PPM1L: variants seen among roughly 807,000 people sequenced by gnomAD.
The protein encoded by PPM1L is protein phosphatase 1L.
In PPM1L, 13 loss-of-function variants were observed where a neutral mutation model predicts 31.4. That is an observed-to-expected ratio of 0.41 (90% CI 0.27 to 0.66). The LOEUF (loss-of-function observed/expected upper bound fraction) is 0.66, where lower values mean the gene tolerates loss of function less well. Ranked by LOEUF, PPM1L falls within the 30% of genes least tolerant of loss-of-function variation. The pLI is 0.29. For missense variants in PPM1L, 326 were observed against 453.7 expected (o/e 0.72, Z 2.56); for synonymous variants, 184 against 175.4 (o/e 1.05, Z -0.39).
At chr3:160,786,901 A>T (rs1333986812) in intron 1 of PPM1L, among the ~76,000 whole-genome samples, 1 of 152,154 alleles carries the variant, frequency 6.6e-6, no homozygotes, top group Non-Finnish European at 1.5e-5. Context: ...CTCTAGCTGG[A>T]TTCATGTTGC....
In PPM1L at chr3:160,961,791, A is replaced by G. The variant is rs1466854699; in HGVS notation, c.455A>G (p.Gln152Arg). Residue 152 changes from glutamine (Q) to arginine (R), a missense_variant, in exon 2 of 4, where the codon CAG (glutamine) becomes CGG (arginine). Transcript: ENST00000498165. ...RLPEALKQHL[Q>R]DYEKDKENSV... ...CCAGAGGCCCTTAAACAGCATCTTCAGGACTACGAGAAAGACAAAGAAAAT... is the reference window on the plus strand; with the variant it reads ...CCAGAGGCCCTTAAACAGCATCTTCGGGACTACGAGAAAGACAAAGAAAAT... 1 of 1,604,714 alleles carries G rather than the reference A, an allele frequency of 6.2e-7. No homozygotes were observed. Among genetic ancestry groups the G allele is most frequent in the Non-Finnish European group, 8.5e-7 (1 of 1,176,212 alleles).
chr3:160,818,588 G>A (rs1713063612), intron 1 of PPM1L, among the ~76,000 whole-genome samples: 2 of 151,944 alleles, frequency 1.3e-5, no homozygotes, highest in Non-Finnish European at 2.9e-5. Context: ...AGTAGCAGTT[G>A]TGCTATTAAA....
rs184699816 is a variant in PPM1L, at chr3:161,059,249, T to C, written c.575-6154T>C. On this transcript the variant is annotated intron_variant, in intron 2 of 3. Coordinates refer to ENST00000498165, the MANE Select transcript of PPM1L (RefSeq NM_139245.4). ...GTGGTGAGGATGGAAGCCCTACCCA[T>C]ATGTTATTTGCACTGGACCAGAATC... is the stretch of plus-strand genomic sequence containing the variant. Among the ~76,000 whole-genome samples, 321 of 152,264 alleles carry C rather than the reference T, an allele frequency of 2.1e-3. 4 individuals are homozygous for C. Among genetic ancestry groups the C allele is most frequent in the Non-Finnish European group, 1.2e-3 (81 of 68,002 alleles).
rs367585875 is a variant in PPM1L at position 160,943,894 on chromosome 3, TGAA to T, written c.400-17835_400-17833del. ...GCACTTGTATCAACACAATGTGTTT[TGAA>T]GAAGAATCACAGGTACTACCTTGGG... On this transcript the variant is annotated intron_variant, in intron 1 of 3. Transcript: ENST00000498165. 2.0e-4 allele frequency among the ~76,000 whole-genome samples: 31 copies of T among 152,280 alleles called. No homozygotes were observed. The East Asian group carries it at 2.9e-3, about 14-fold the overall frequency.
At chr3:160,929,556 T>C (rs1007350708) in intron 1 of PPM1L, among the ~76,000 whole-genome samples, 33 of 152,290 alleles carry the variant, frequency 2.2e-4, no homozygotes, top group African/African-American at 7.0e-4. Context: ...CATGCTTCAG[T>C]GTCTAGTTAA....
chr3:160,994,930 T>C (rs2108046833), intron 2 of PPM1L, among the ~76,000 whole-genome samples: 1 of 152,140 alleles, frequency 6.6e-6, no homozygotes, highest in Non-Finnish European at 1.5e-5. Context: ...AGAAAGGCGC[T>C]CCAGGCAAGT....
chr3:160,860,171 A>T (rs1010319185), intron 1 of PPM1L, among the ~76,000 whole-genome samples: 1 of 152,162 alleles, frequency 6.6e-6, no homozygotes, highest in African/African-American at 2.4e-5. Flanking sequence ...TAAAATCTGG[A>T]CTGAGGAGTT....
Position 160,932,245 on chromosome 3 carries a change from A to T in PPM1L, c.400-29491A>T, listed in dbSNP as rs74468515. On this transcript the variant is annotated intron_variant, in intron 1 of 3. Transcript: ENST00000498165. Reference sequence around the variant, plus strand: ...GAAAAGCCTGTATTTCCACTGTGATATAATATCTGCTTAAAGTATGGGCTA... The same window carrying T: ...GAAAAGCCTGTATTTCCACTGTGATTTAATATCTGCTTAAAGTATGGGCTA... Among the ~76,000 whole-genome samples the T allele has an allele frequency of 3.6e-3, 545 of 152,324 alleles. 5 individuals carry two copies. Among genetic ancestry groups the T allele is most frequent in the Admixed American group, 8.2e-3 (125 of 15,292 alleles).
chr3:160,817,503 C>T lies in PPM1L; in HGVS notation c.399+60796C>T, dbSNP rs145558907. Among the ~76,000 whole-genome samples the T allele has an allele frequency of 5.2e-3, 797 of 152,160 alleles. 1 individual carries two copies. The highest frequency in any genetic ancestry group is 9.7e-3 in the South Asian group (47 of 4,826). ...TACCAACATCTGAATTTTTACACGG[C>T]GCCTACTTCAGATATTCTGTTTTCA... On this transcript the variant is annotated intron_variant, in intron 1 of 3. Coordinates refer to ENST00000498165, the MANE Select transcript of PPM1L (RefSeq NM_139245.4).
intron 1 of PPM1L, among the ~76,000 whole-genome samples, chr3:160,812,872 C>A (rs865951463): frequency 2.2e-4 from 33 of 152,116 alleles, no homozygotes; most frequent in African/African-American, 7.7e-4. Flanking sequence ...AGTGAAGAAG[C>A]CTGAATGTGA....
chr3:160,764,975 A>G (rs2108057104), intron 1 of PPM1L, among the ~76,000 whole-genome samples: 1 of 152,322 alleles, frequency 6.6e-6, no homozygotes, highest in Non-Finnish European at 1.5e-5. Flanking sequence ...GTGGGTTTCC[A>G]GAAGTGGGAT....
At chr3:160,881,858 T>A (rs1712731717) in intron 1 of PPM1L, among the ~76,000 whole-genome samples, 1 of 152,168 alleles carries the variant, frequency 6.6e-6, no homozygotes, top group Non-Finnish European at 1.5e-5. Context: ...GAGACCATCC[T>A]GGCTAACACA....
chr3:160,903,164 A>AGTGTGTGTGT (rs60731351), intron 1 of PPM1L, among the ~76,000 whole-genome samples: 4,638 of 106,456 alleles, frequency 0.044, 118 homozygotes, highest in Middle Eastern at 0.062. Context: ...TAGAAGCAAT[A>AGTGTGTGTGT]GTGTGTGTGT....
At chr3:160,822,153 A>G (rs1576654675) in intron 1 of PPM1L, among the ~76,000 whole-genome samples, 1 of 152,070 alleles carries the variant, frequency 6.6e-6, no homozygotes. Flanking sequence ...TTAAGGATAA[A>G]TTACCCAACA....
rs560270599 is a variant in PPM1L, at chr3:160,769,794, G to T, written c.399+13087G>T. Among the ~76,000 whole-genome samples, 3 of 152,214 alleles carry T rather than the reference G, an allele frequency of 2.0e-5. No homozygotes were observed. In the South Asian group the frequency reaches 6.2e-4, roughly 32 times the overall value. On this transcript the variant is annotated intron_variant, in intron 1 of 3. Coordinates refer to ENST00000498165, the MANE Select transcript of PPM1L (RefSeq NM_139245.4). Reference sequence around the variant, plus strand: ...TTTTGTTCTTTAATTATTAGATATTGTAAGTGTTATTTTGTTTTAAAATAT... The same window carrying T: ...TTTTGTTCTTTAATTATTAGATATTTTAAGTGTTATTTTGTTTTAAAATAT...
intron 1 of PPM1L, among the ~76,000 whole-genome samples, chr3:160,833,841 C>A (rs1262639331): frequency 6.6e-6 from 1 of 151,634 alleles, no homozygotes; most frequent in East Asian, 1.9e-4. Context: ...GTCTTGAAAT[C>A]TTTGCCTATG....
chr3:160,904,727 GGAGA>G (rs72470893), intron 1 of PPM1L, among the ~76,000 whole-genome samples: 62,076 of 150,446 alleles, frequency 0.41, 14,362 homozygotes, highest in Non-Finnish European at 0.54. Context: ...GGGGGAAGAG[GGAGA>G]GAGAGAAAGA....
At chr3:160,881,908 G>A (rs534621250) in intron 1 of PPM1L, among the ~76,000 whole-genome samples, 22 of 152,204 alleles carry the variant, frequency 1.4e-4, no homozygotes, top group African/African-American at 4.6e-4. Context: ...AAAATTAGCC[G>A]GGCGTGGTAA....
chr3:160,763,879 T>C (rs1436203921), intron 1 of PPM1L, among the ~76,000 whole-genome samples: 7 of 152,156 alleles, frequency 4.6e-5, no homozygotes, highest in African/African-American at 1.7e-4. Context: ...CTTGAGGTGG[T>C]AAGACTGATG....
Sources: gnomAD v4.1 joint callset for allele counts (sites outside exome capture counted in the v4.1 genomes callset) on GRCh38, gnomAD v4.1.1 for gene constraint, MANE v1.5 for transcripts, NCBI Gene and HGNC (gene_info 2026-07-23, HGNC 2026-07-21) for gene names.